Variants in ESRRG observed in about 807,000 individuals in gnomAD.
ESRRG encodes the protein estrogen related receptor gamma.
A neutral mutation model predicts 44.0 loss-of-function variants in ESRRG; 13 were observed. That is an observed-to-expected ratio of 0.30 (90% CI 0.19 to 0.47). ESRRG has a LOEUF of 0.47. Among genes scored for constraint, ESRRG ranks in the 20% least tolerant of loss-of-function variants. The pLI, the probability that ESRRG is intolerant of heterozygous loss-of-function variation, is 1.00. For synonymous variants in ESRRG, 215 were observed against 214.6 expected (o/e 1.00, Z -0.02); for missense variants, 395 against 580.6 (o/e 0.68, Z 3.29).
chr1:216,663,047 A>G lies in ESRRG; in HGVS notation c.473-11958T>C, dbSNP rs151302857. Among the ~76,000 whole-genome samples, 7 of 152,342 alleles carry G rather than the reference A, an allele frequency of 4.6e-5. No homozygotes were observed. The East Asian group carries it at 9.6e-4, about 21-fold the overall frequency. On this transcript the variant is annotated intron_variant, in intron 2 of 6. Coordinates refer to ENST00000408911, the MANE Select transcript of ESRRG (RefSeq NM_001438.4). Reference sequence around the variant, plus strand: ...TAAGGTAGTTTCCCCCAAGTTAGGTACAGAAACTTTTTAAAGAAATCTTTG... The same window carrying G: ...TAAGGTAGTTTCCCCCAAGTTAGGTGCAGAAACTTTTTAAAGAAATCTTTG...
At chr1:216,818,808 G>C (rs781764528) in intron 2 of ESRRG, among the ~76,000 whole-genome samples, 17 of 151,872 alleles carry the variant, frequency 1.1e-4, no homozygotes, top group Admixed American at 3.9e-4. Context: ...TTGTTCCCCC[G>C]ATGTGTCCAT....
At chr1:216,680,483 G>A (rs17673189) in intron 1 of ESRRG, among the ~76,000 whole-genome samples, 3,516 of 152,074 alleles carry the variant, frequency 0.023, 71 homozygotes, top group Non-Finnish European at 0.031. Flanking sequence ...GAGGTGGCAC[G>A]CAGAGATCTA....
chr1:217,107,141 A>G (rs1402352518), intron 1 of ESRRG, among the ~76,000 whole-genome samples: 2 of 152,258 alleles, frequency 1.3e-5, no homozygotes, highest in Non-Finnish European at 2.9e-5. Context: ...GTCTGGCTTA[A>G]TCTTAAAATT....
intron 2 of ESRRG, among the ~76,000 whole-genome samples, chr1:216,834,664 G>T (rs1032471448): frequency 6.6e-6 from 1 of 152,166 alleles, no homozygotes; most frequent in African/African-American, 2.4e-5. Flanking sequence ...AAAATTAAAA[G>T]ACAGGTCAAG....
chr1:217,002,913 C>T (rs1317360796), intron 1 of ESRRG, among the ~76,000 whole-genome samples: 1 of 152,140 alleles, frequency 6.6e-6, no homozygotes, highest in African/African-American at 2.4e-5. Context: ...CCCAACCAAG[C>T]TGCTTCTAAA....
chr1:216,566,716 A>G (rs1558532885), intron 4 of ESRRG, among the ~76,000 whole-genome samples: 1 of 152,196 alleles, frequency 6.6e-6, no homozygotes, highest in Non-Finnish European at 1.5e-5. Context: ...AATGTGCAAA[A>G]TCTGTTTAAT....
chr1:216,784,872 T>G (rs1444416679), intron 2 of ESRRG, among the ~76,000 whole-genome samples: 2 of 152,108 alleles, frequency 1.3e-5, no homozygotes, highest in African/African-American at 2.4e-5. Flanking sequence ...ACTCCGATTT[T>G]ACATAATTTG....
At chr1:217,050,203 G>GA in intron 1 of ESRRG, among the ~76,000 whole-genome samples, 1 of 152,238 alleles carries the variant, frequency 6.6e-6, no homozygotes, top group East Asian at 1.9e-4. Flanking sequence ...AGCTGGGGGG[G>GA]TGAAAAAGAA....
intron 2 of ESRRG, among the ~76,000 whole-genome samples, chr1:216,785,272 C>T (rs900428125): frequency 3.9e-5 from 6 of 151,974 alleles, no homozygotes. Context: ...ACAATTAAGG[C>T]ACTTAATGTG....
intron 3 of ESRRG, among the ~76,000 whole-genome samples, chr1:216,576,655 G>T (rs1162378682): frequency 1.3e-5 from 2 of 151,920 alleles, no homozygotes; most frequent in Non-Finnish European, 2.9e-5. Flanking sequence ...CTGGTTCTGG[G>T]GATCATGTGC....
rs71303007 is a variant in ESRRG at position 217,053,133 on chromosome 1, T to TAAAAAAAAAAAAAAAAAA, written c.-106+36356_-106+36373dup. Among the ~76,000 whole-genome samples, 219 of 118,976 alleles carry TAAAAAAAAAAAAAAAAAA rather than the reference T, an allele frequency of 1.8e-3. 2 individuals carry two copies. Among genetic ancestry groups the TAAAAAAAAAAAAAAAAAA allele is most frequent in the African/African-American group, 5.3e-3 (158 of 29,632 alleles). The allele number at this position is 118,976 out of a possible 152,430, so 78.1% of individuals were successfully genotyped here. On this transcript the variant is annotated intron_variant, in intron 1 of 7. Transcript: ENST00000359162. ...GAGGTAACATAGCAAAATCCCATCT[T>TAAAAAAAAAAAAAAAAAA]AAAAAAAAAAAAAAAAAAAACAGAA...
intron 2 of ESRRG, among the ~76,000 whole-genome samples, chr1:216,774,511 C>A (rs1035394116): frequency 5.3e-5 from 8 of 152,112 alleles, no homozygotes; most frequent in Non-Finnish European, 8.8e-5. Flanking sequence ...CAATGAAAAT[C>A]TTTCTTGCTC....
At chr1:216,683,818 T>C (rs1456405353) in intron 1 of ESRRG, among the ~76,000 whole-genome samples, 2 of 152,150 alleles carry the variant, frequency 1.3e-5, no homozygotes, top group East Asian at 3.9e-4. Flanking sequence ...AATGGTCCTT[T>C]CTCATTTAAT....
At chr1:217,136,833 G>A (rs747877427) in intron 1 of ESRRG, among the ~76,000 whole-genome samples, 1 of 152,156 alleles carries the variant, frequency 6.6e-6, no homozygotes, top group Non-Finnish European at 1.5e-5. Flanking sequence ...AGGTTGCTAC[G>A]CTAAATTTAT....
chr1:216,808,940 A>G (rs893277991), intron 2 of ESRRG, among the ~76,000 whole-genome samples: 2 of 152,152 alleles, frequency 1.3e-5, no homozygotes, highest in African/African-American at 4.8e-5. Context: ...CAAATGGGAA[A>G]GAAAGAAGAA....
intron 2 of ESRRG, among the ~76,000 whole-genome samples, chr1:216,878,785 C>T (rs1378968882): frequency 6.6e-6 from 1 of 152,160 alleles, no homozygotes; most frequent in Non-Finnish European, 1.5e-5. Context: ...TTGAAGAATA[C>T]TGTTCAAAAT....
At chr1:216,946,757 C>A (rs12239683) in intron 1 of ESRRG, among the ~76,000 whole-genome samples, 104 of 152,070 alleles carry the variant, frequency 6.8e-4, no homozygotes, top group African/African-American at 2.5e-3. Flanking sequence ...CCCTCTGTCA[C>A]CACGGCTGGA....
intron 1 of ESRRG, among the ~76,000 whole-genome samples, chr1:216,688,323 G>A (rs146246587): frequency 3.2e-4 from 49 of 152,238 alleles, no homozygotes; most frequent in African/African-American, 9.9e-4. Flanking sequence ...ATTTATACCC[G>A]TCTATCAAGT....
intron 5 of ESRRG, among the ~76,000 whole-genome samples, chr1:216,563,359 G>A (rs186045634): frequency 9.7e-4 from 147 of 152,264 alleles, no homozygotes; most frequent in African/African-American, 2.6e-3. Context: ...CATAGCTGGC[G>A]TATCATGACC....
Sources: gnomAD v4.1 joint callset for allele counts (sites outside exome capture counted in the v4.1 genomes callset) on GRCh38, gnomAD v4.1.1 for gene constraint, MANE v1.5 for transcripts, NCBI Gene and HGNC (gene_info 2026-07-23, HGNC 2026-07-21) for gene names.